The following GC variants were observed in gnomAD, a reference collection of about 807,000 sequenced individuals.
The protein encoded by GC is GC vitamin D binding protein, also known as vitamin D-binding protein.
GC carries 43 observed loss-of-function variants against 56.7 expected under a neutral mutation model. The ratio of observed to expected loss-of-function variants is 0.76; its 90% CI spans 0.59 to 0.98. GC has a LOEUF of 0.98. Among genes scored for constraint, GC ranks in the 50% least tolerant of loss-of-function variants. The pLI, the probability that GC is intolerant of heterozygous loss-of-function variation, is 0.00. For synonymous variants in GC, 216 were observed against 202.7 expected (o/e 1.07, Z -0.56); for missense variants, 529 against 545.9 (o/e 0.97, Z 0.31).
Position 71,765,595 on chromosome 4 carries a change from C to A in GC, c.310G>T (p.Val104Phe). 6.2e-7 allele frequency: 1 copy of A among 1,613,572 alleles called. No individual in the cohort carries two copies. The highest frequency in any genetic ancestry group is 8.5e-7 in the Non-Finnish European group (1 of 1,179,770). The change falls in exon 4 of 13, where the codon GTT (valine) becomes TTT (phenylalanine). Residue 104 changes from valine to phenylalanine, a missense_variant. Coordinates refer to ENST00000273951, the MANE Select transcript of GC (RefSeq NM_000583.4). ...KSCESNSPFP[V>F]HPGTAECCTK... The stretch of plus-strand genomic sequence containing the variant: ...CAGCACTCAGCAGTGCCTGGGTGAA[C>A]GGGGAATGGAGAATTACTTTCACAG...
chr4:71,769,284 G>C, intron 2 of GC, 47 bp downstream of exon 2: 1 of 1,372,192 alleles, frequency 7.3e-7, no homozygotes, highest in Non-Finnish European at 1.0e-6. Flanking sequence ...ACTCAGTTTT[G>C]TTCAAGATCA....
intron 6 of GC, among the ~76,000 whole-genome samples, chr4:71,762,345 G>A (rs1322803439): frequency 1.3e-5 from 2 of 152,138 alleles, no homozygotes; most frequent in East Asian, 3.9e-4. Flanking sequence ...TTTACCCAAT[G>A]CCTGTACCCC....
chr4:71,752,367 A>C (rs959539833), intron 11 of GC, 151 bp downstream of exon 11: 11 of 609,686 alleles, frequency 1.8e-5, no homozygotes, highest in Non-Finnish European at 3.1e-5. Flanking sequence ...TATGTTTCTT[A>C]CTTTCATTGC....
intron 1 of GC, chr4:71,769,612 C>G (rs1742281919): frequency 2.0e-6 from 1 of 498,340 alleles, no homozygotes; most frequent in Non-Finnish European, 3.6e-6. Flanking sequence ...TAGTCACCAG[C>G]AGAACAAAAG....
intron 1 of GC, chr4:71,769,705 A>G (rs1191075422): frequency 8.3e-6 from 2 of 240,986 alleles, no homozygotes; most frequent in Non-Finnish European, 1.7e-5. Context: ...TATGGCAACT[A>G]TTAGGTCCTA....
intron 11 of GC, among the ~76,000 whole-genome samples, chr4:71,750,080 T>C (rs1012753754): frequency 6.6e-6 from 1 of 152,114 alleles, no homozygotes; most frequent in Non-Finnish European, 1.5e-5. Context: ...TTTACTAAAA[T>C]ATGGATATTA....
chr4:71,754,112 G>A (rs1220613978), intron 10 of GC, among the ~76,000 whole-genome samples: 1 of 152,138 alleles, frequency 6.6e-6, no homozygotes, highest in South Asian at 2.1e-4. Flanking sequence ...TTACATGGAT[G>A]TATGGCATAG....
intron 1 of GC, among the ~76,000 whole-genome samples, chr4:71,797,220 G>A (rs1037752504): frequency 2.6e-5 from 4 of 152,204 alleles, no homozygotes; most frequent in African/African-American, 7.2e-5. Context: ...CTGTCTTCAG[G>A]GCTGTTCAGA....
At position 71,798,953 on chromosome 4, in the gene GC, C is replaced by A. The variant is rs187621486; in HGVS notation, c.21+4973G>T. On this transcript the variant is annotated intron_variant, in intron 1 of 13. Coordinates refer to the GC transcript ENST00000504199. ...ATAATTTAAATACAAAACATTCACT[C>A]TTTTAAAGTATGAAATTCAATGGGT... is the stretch of plus-strand genomic sequence containing the variant. Among the ~76,000 whole-genome samples the A allele has an allele frequency of 7.2e-5, 11 of 152,234 alleles. No homozygotes were observed. The East Asian group carries it at 2.1e-3, about 29-fold the overall frequency.
At chr4:71,778,336 T>C (rs1006057943) in intron 1 of GC, among the ~76,000 whole-genome samples, 6 of 152,004 alleles carry the variant, frequency 3.9e-5, no homozygotes, top group Non-Finnish European at 5.9e-5. Context: ...TAATATTATT[T>C]TCTTTAGGTA....
intron 1 of GC, among the ~76,000 whole-genome samples, chr4:71,771,261 G>A (rs543081797): frequency 6.6e-6 from 1 of 152,114 alleles, no homozygotes; most frequent in South Asian, 2.1e-4. Flanking sequence ...GTAAACATAT[G>A]CCTGGGTGGA....
chr4:71,775,255 C>A (rs1742471247), intron 1 of GC, among the ~76,000 whole-genome samples: 1 of 151,846 alleles, frequency 6.6e-6, no homozygotes, highest in South Asian at 2.1e-4. Context: ...TCTTTCAGGG[C>A]AAAGATCATG....
chr4:71,799,256 A>G (rs1743190250), intron 1 of GC, among the ~76,000 whole-genome samples: 2 of 152,174 alleles, frequency 1.3e-5, no homozygotes, highest in South Asian at 2.1e-4. Context: ...ACCAAGATCC[A>G]CTCATTCCCT....
intron 6 of GC, among the ~76,000 whole-genome samples, chr4:71,760,333 T>C (rs1741927507): frequency 6.6e-6 from 1 of 152,032 alleles, no homozygotes; most frequent in Non-Finnish European, 1.5e-5. Flanking sequence ...ATTACAGGTG[T>C]GAGCCACCGT....
intron 6 of GC, among the ~76,000 whole-genome samples, chr4:71,761,016 T>C (rs942424266): frequency 1.3e-5 from 2 of 152,178 alleles, no homozygotes; most frequent in African/African-American, 4.8e-5. Flanking sequence ...GCTGAAAAGA[T>C]ACCCGAAAAT....
chr4:71,788,086 A>G (rs1742883451), upstream of GC, among the ~76,000 whole-genome samples: 1 of 151,920 alleles, frequency 6.6e-6, no homozygotes, highest in Non-Finnish European at 1.5e-5. Flanking sequence ...ATAGAAACTG[A>G]ATGTAGTAAA....
chr4:71,760,183 A>C (rs6857188), intron 6 of GC, among the ~76,000 whole-genome samples: 23,082 of 150,498 alleles, frequency 0.15, 2,958 homozygotes, highest in African/African-American at 0.35. Context: ...AGCTGGGACT[A>C]TAGGCGCCCA....
chr4:71,801,921 G>T (rs1165557754), intron 1 of GC, among the ~76,000 whole-genome samples: 2 of 143,384 alleles, frequency 1.4e-5, no homozygotes, highest in Admixed American at 7.1e-5. Context: ...TGCCCTGGAA[G>T]TCAATTACAA....
upstream of GC, chr4:71,784,371 C>T (rs185962538): frequency 5.9e-4 from 578 of 983,046 alleles, 2 homozygotes; most frequent in African/African-American, 8.8e-3. Context: ...ATGTTAGTAA[C>T]GCACACCTTC....
Sources: gnomAD v4.1 joint callset for allele counts (sites outside exome capture counted in the v4.1 genomes callset) on GRCh38, gnomAD v4.1.1 for gene constraint, MANE v1.5 for transcripts, NCBI Gene and HGNC (gene_info 2026-07-23, HGNC 2026-07-21) for gene names.